GALNT17: variants seen among roughly 807,000 people sequenced by gnomAD.
The protein encoded by GALNT17 is polypeptide N-acetylgalactosaminyltransferase 17.
GALNT17 carries 29 observed loss-of-function variants against 63.7 expected under a neutral mutation model. The observed-to-expected ratio is 0.46, with a 90% confidence interval of 0.34 to 0.62. GALNT17 has a LOEUF of 0.62. GALNT17 is among the 20% of genes least tolerant of loss of function. The probability of loss-of-function intolerance (pLI) is 0.01; values close to 1 mark genes in which losing one functional copy is unlikely to be tolerated. For missense variants in GALNT17, 603 were observed against 799.6 expected, an observed-to-expected ratio of 0.75 and a Z score of 2.97; for synonymous variants, 305 against 318.3, an observed-to-expected ratio of 0.96 and a Z score of 0.45.
chr7:71,217,921 C>T (rs1789515344), intron 1 of GALNT17, among the ~76,000 whole-genome samples: 1 of 135,060 alleles, frequency 7.4e-6, no homozygotes, highest in Non-Finnish European at 1.7e-5. Context: ...GAGCTAGACT[C>T]CGTCTCAAAA....
chr7:71,662,328 A>ATCTATCTATCTG (rs1790920301), intron 6 of GALNT17, among the ~76,000 whole-genome samples: 1 of 149,840 alleles, frequency 6.7e-6, no homozygotes, highest in East Asian at 1.9e-4. Flanking sequence ...TTATCTATCT[A>ATCTATCTATCTG]TCTATCTGTC....
chr7:71,589,877 A>G (rs939688503), intron 6 of GALNT17, among the ~76,000 whole-genome samples: 7 of 152,164 alleles, frequency 4.6e-5, no homozygotes, highest in Non-Finnish European at 8.8e-5. Flanking sequence ...TTCTTCCACC[A>G]TCTGGATAAC....
At chr7:71,592,564 T>C (rs1220053874) in intron 6 of GALNT17, among the ~76,000 whole-genome samples, 51 of 13,106 alleles carry the variant, frequency 3.9e-3, no homozygotes, top group African/African-American at 0.014. Flanking sequence ...CATAGCATAC[T>C]AAAATAAAAT....
intron 1 of GALNT17, among the ~76,000 whole-genome samples, chr7:71,271,573 G>C (rs1011861105): frequency 2.6e-5 from 4 of 152,224 alleles, no homozygotes; most frequent in Admixed American, 6.5e-5. Context: ...TTTTATTTAA[G>C]ATTTATTAAA....
At chr7:71,146,162 C>T (rs1483112934) in intron 1 of GALNT17, among the ~76,000 whole-genome samples, 1 of 152,132 alleles carries the variant, frequency 6.6e-6, no homozygotes, top group Non-Finnish European at 1.5e-5. Context: ...TCAGTCTCCT[C>T]TCAGCTCCCC....
At chr7:71,219,600 C>G (rs1284564514) in intron 1 of GALNT17, among the ~76,000 whole-genome samples, 1 of 152,076 alleles carries the variant, frequency 6.6e-6, no homozygotes, top group African/African-American at 2.4e-5. Flanking sequence ...AAGAGCCTTT[C>G]TTATTTCCTG....
chr7:71,243,702 G>A (rs537105148), intron 1 of GALNT17, among the ~76,000 whole-genome samples: 13 of 152,244 alleles, frequency 8.5e-5, no homozygotes, highest in Middle Eastern at 3.4e-3. Flanking sequence ...GCTGCATCCA[G>A]CCCTTTAACT....
intron 6 of GALNT17, among the ~76,000 whole-genome samples, chr7:71,579,410 GT>G (rs1209852575): frequency 2.6e-5 from 4 of 152,172 alleles, no homozygotes; most frequent in Non-Finnish European, 5.9e-5. Context: ...GAAATTTATA[GT>G]CAGACAGAAA....
intron 1 of GALNT17, among the ~76,000 whole-genome samples, chr7:71,168,591 A>G (rs770290781): frequency 2.0e-5 from 3 of 152,058 alleles, no homozygotes; most frequent in Non-Finnish European, 2.9e-5. Context: ...AGAAAATTCT[A>G]TATTTAAGGT....
chr7:71,192,651 C>T (rs761639455), intron 1 of GALNT17, among the ~76,000 whole-genome samples: 26 of 152,178 alleles, frequency 1.7e-4, no homozygotes, highest in Non-Finnish European at 2.4e-4. Flanking sequence ...CCACCTTGGC[C>T]TCCCAAAGTG....
chr7:71,662,892 T>C (rs1026770452), intron 6 of GALNT17, among the ~76,000 whole-genome samples: 1 of 152,246 alleles, frequency 6.6e-6, no homozygotes, highest in Non-Finnish European at 1.5e-5. Context: ...ATTTTTTATA[T>C]GGTGTGAGGT....
At chr7:71,486,772 A>G (rs187151259) in intron 5 of GALNT17, among the ~76,000 whole-genome samples, 26 of 151,022 alleles carry the variant, frequency 1.7e-4, no homozygotes, top group African/African-American at 5.8e-4. Context: ...CTGAGGTGGG[A>G]GGATTCCCGA....
chr7:71,637,857 C>T (rs113345896), intron 6 of GALNT17, among the ~76,000 whole-genome samples: 11 of 152,174 alleles, frequency 7.2e-5, no homozygotes, highest in African/African-American at 1.7e-4. Context: ...CTGGATCTTG[C>T]GCAAGAAAGA....
chr7:71,412,475 G>A (rs1311809847), intron 3 of GALNT17, among the ~76,000 whole-genome samples: 6 of 151,638 alleles, frequency 4.0e-5, no homozygotes, highest in South Asian at 2.1e-4. Flanking sequence ...AGGATCATGC[G>A]ATTCTCCTGC....
chr7:71,208,270 C>G (rs1411750472), intron 1 of GALNT17, among the ~76,000 whole-genome samples: 1 of 151,990 alleles, frequency 6.6e-6, no homozygotes, highest in Non-Finnish European at 1.5e-5. Flanking sequence ...TGTGGTGTTT[C>G]TCAAAACACA....
At position 71,196,950 on chromosome 7, in the gene GALNT17, C is replaced by T. The variant is rs569388766; in HGVS notation, c.238+63910C>T. On this transcript the variant is annotated intron_variant, in intron 1 of 10. Coordinates refer to ENST00000333538, the MANE Select transcript of GALNT17 (RefSeq NM_022479.3). ...ATTACAGGTGTGAGCCACTATGCCC[C>T]GCCAATTTTTTTTTAAAAAATTTAT... is the stretch of plus-strand genomic sequence containing the variant. 3.7e-3 allele frequency among the ~76,000 whole-genome samples: 559 copies of T among 149,214 alleles called. 1 individual carries two copies. Among genetic ancestry groups the T allele is most frequent in the Non-Finnish European group, 6.5e-3 (439 of 67,440 alleles).
chr7:71,665,893 A>G (rs1277669084), intron 7 of GALNT17, among the ~76,000 whole-genome samples: 1 of 152,142 alleles, frequency 6.6e-6, no homozygotes, highest in Non-Finnish European at 1.5e-5. Flanking sequence ...TGCTGTGTCC[A>G]GGAAGTTCTT....
In GALNT17 at chr7:71,313,320, C is replaced by T. The variant is rs576240996; in HGVS notation, c.239-22230C>T. On this transcript the variant is annotated intron_variant, in intron 1 of 10. Coordinates refer to ENST00000333538, the MANE Select transcript of GALNT17 (RefSeq NM_022479.3). ...CAGCAAAATGATTCTATCTCAGCTCCCTGTCTAGACTTTAAATTCCAGGAA... is the reference window on the plus strand; with the variant it reads ...CAGCAAAATGATTCTATCTCAGCTCTCTGTCTAGACTTTAAATTCCAGGAA... Among the ~76,000 whole-genome samples the T allele has an allele frequency of 5.9e-5, 9 of 152,228 alleles. No individual in the cohort carries two copies. In the East Asian group the frequency reaches 1.2e-3, roughly 20 times the overall value.
At chr7:71,394,797 A>G (rs1793108546) in intron 3 of GALNT17, among the ~76,000 whole-genome samples, 1 of 152,090 alleles carries the variant, frequency 6.6e-6, no homozygotes, top group South Asian at 2.1e-4. Flanking sequence ...ACATACCATA[A>G]AATATACTAT....
Sources: gnomAD v4.1 joint callset for allele counts (sites outside exome capture counted in the v4.1 genomes callset) on GRCh38, gnomAD v4.1.1 for gene constraint, MANE v1.5 for transcripts, NCBI Gene and HGNC (gene_info 2026-07-23, HGNC 2026-07-21) for gene names.